CHMP5: variants seen among roughly 807,000 people sequenced by gnomAD.
CHMP5 encodes SNF7 domain containing 2.
Under a neutral mutation model 33.0 loss-of-function variants are expected in CHMP5, and 17 were observed. That is an observed-to-expected ratio of 0.52 (90% CI 0.35 to 0.77). CHMP5 has a LOEUF of 0.77. CHMP5 is among the 30% of genes least tolerant of loss of function. The probability of loss-of-function intolerance (pLI) is 0.01; values close to 1 mark genes in which losing one functional copy is unlikely to be tolerated. For missense variants in CHMP5, 216 were observed against 261.5 expected, an observed-to-expected ratio of 0.83 and a Z score of 1.20; for synonymous variants, 76 against 90.2, an observed-to-expected ratio of 0.84 and a Z score of 0.89.
chr9:33,270,713 C>G lies in CHMP5; in HGVS notation c.312C>G (p.Thr104=). The G allele has an allele frequency of 6.2e-7, 1 of 1,602,536 alleles. No individual in the cohort carries two copies. The highest frequency in any genetic ancestry group is 8.5e-7 in the Non-Finnish European group (1 of 1,170,192). Residue 104 remains threonine, a synonymous_variant, in exon 4 of 8, where the codon ACC becomes ACG. Transcript: ENST00000223500. The stretch of plus-strand genomic sequence containing the variant: ...TCCAGTCTTTGAAGGACACCAAGAC[C>G]ACGGTACTCCCAAAACACCTTTTCC... ...YTIQSLKDTK[T]TVDAMKLGVK...
rs753745206 is a variant in CHMP5 at position 33,270,645 on chromosome 9, C to G, written c.244C>G (p.Leu82Val). Residue 82 changes from leucine to valine, a missense_variant, in exon 4 of 8, where the codon CTT becomes GTT. Leu to Val is a conservative substitution (Grantham distance 32). Transcript: ENST00000223500. ...AAGGTATGAGCAGCAGCGGGACAAT[C>G]TTGCCCAACAGTCATTCAACATGGA... ...KRMYEQQRDNLAQQSFNMEQA... is the reference protein window; with the variant it reads ...KRMYEQQRDNVAQQSFNMEQA... 5.0e-6 allele frequency: 8 copies of G among 1,614,126 alleles called. No individual in the cohort carries two copies. Among genetic ancestry groups the G allele is most frequent in the South Asian group, 3.3e-5 (3 of 91,082 alleles).
At chr9:33,265,428 A>G (rs1820701473) in intron 1 of CHMP5, among the ~76,000 whole-genome samples, 2 of 150,788 alleles carry the variant, frequency 1.3e-5, no homozygotes, top group African/African-American at 4.9e-5. Flanking sequence ...TGATCCTCTC[A>G]CCTCACCCAG....
rs776828075 is a variant in CHMP5 at position 33,271,134 on chromosome 9, T to C, written c.316-18T>C. 1 of 1,587,696 alleles carries C rather than the reference T, an allele frequency of 6.3e-7. No individual in the cohort carries two copies. The highest frequency in any genetic ancestry group is 8.6e-7 in the Non-Finnish European group (1 of 1,156,252). On this transcript the variant is annotated intron_variant, in intron 4 of 7. Transcript: ENST00000223500. Reference sequence around the variant, plus strand: ...CATGACTTACTAAAACATTGTGTTTTCTTCTTCCTTTTCTTAGGTTGATGC... The same window carrying C: ...CATGACTTACTAAAACATTGTGTTTCCTTCTTCCTTTTCTTAGGTTGATGC...
intron 3 of CHMP5, among the ~76,000 whole-genome samples, chr9:33,269,041 C>T (rs1157247896): frequency 1.3e-5 from 2 of 152,120 alleles, no homozygotes; most frequent in African/African-American, 4.8e-5. Context: ...CATGAACGGA[C>T]CATTCTTTTT....
intron 2 of CHMP5, among the ~76,000 whole-genome samples, chr9:33,267,579 T>G (rs1820742183): frequency 6.6e-6 from 1 of 152,158 alleles, no homozygotes. Flanking sequence ...TCAGCACTTT[T>G]GGGGCTAGAG....
chr9:33,265,267 G>A, intron 1 of CHMP5, 120 bp downstream of exon 1: 2 of 910,872 alleles, frequency 2.2e-6, no homozygotes, highest in Non-Finnish European at 1.8e-6. Flanking sequence ...CTTACACGTC[G>A]TCCCTCTCTA....
Position 33,267,896 on chromosome 9 carries a change from G to A in CHMP5, c.218G>A (p.Arg73Lys). 3 of 1,606,638 alleles carry A rather than the reference G, an allele frequency of 1.9e-6. No homozygotes were observed. The highest frequency in any genetic ancestry group is 2.6e-6 in the Non-Finnish European group (3 of 1,173,404). ...QKALRVLKQK[R>K]MYEQQRDNLA... ...GCCTTGCGAGTTTTAAAGCAAAAGA[G>A]GATGTAAGTTACACACACAATTTCT... Residue 73 changes from arginine (R) to lysine (K), a missense_variant, in exon 3 of 8, where the codon AGG becomes AAG. By Grantham distance (26) the Arg-to-Lys change is conservative. Coordinates refer to ENST00000223500, the MANE Select transcript of CHMP5 (RefSeq NM_016410.6).
In CHMP5 at chr9:33,265,107, C is replaced by G. The variant is rs1176306255; in HGVS notation, c.29C>G (p.Pro10Arg). Reference sequence around the variant, plus strand: ...AACCGACTCTTCGGGAAAGCGAAACCCAAGGCTCCGCCGCCCAGCCTGACT... The same window carrying G: ...AACCGACTCTTCGGGAAAGCGAAACGCAAGGCTCCGCCGCCCAGCCTGACT... MNRLFGKAKPKAPPPSLTDC... is the reference protein window; with the variant it reads MNRLFGKAKRKAPPPSLTDC... The change falls in exon 1 of 8, where the codon CCC (proline) becomes CGC (arginine). Residue 10 changes from proline to arginine, a missense_variant. Physicochemically the swap from Pro to Arg is moderately radical, Grantham distance 103. Transcript: ENST00000223500. The G allele has an allele frequency of 1.2e-6, 2 of 1,614,068 alleles. No homozygotes were observed. Among genetic ancestry groups the G allele is most frequent in the Non-Finnish European group, 1.7e-6 (2 of 1,180,028 alleles).
At chr9:33,272,142 C>T (rs1224533350) in intron 5 of CHMP5, among the ~76,000 whole-genome samples, 2 of 152,114 alleles carry the variant, frequency 1.3e-5, no homozygotes, top group Admixed American at 6.5e-5. Flanking sequence ...GTCAGATGAA[C>T]AGCCCAGGTG....
At chr9:33,279,048 C>T (rs1820888619) in intron 7 of CHMP5, among the ~76,000 whole-genome samples, 2 of 152,092 alleles carry the variant, frequency 1.3e-5, no homozygotes, top group South Asian at 4.1e-4. Context: ...CTCAGCCACC[C>T]CAGGTAGCTG....
intron 3 of CHMP5, 59 bp from the exon 4 acceptor site, chr9:33,270,564 T>G: frequency 1.5e-6 from 2 of 1,324,320 alleles, no homozygotes; most frequent in Non-Finnish European, 2.2e-6. Context: ...GGGGATACTT[T>G]GTTCTTGAGG....
chr9:33,274,388 C>T (rs1820829155), intron 5 of CHMP5, among the ~76,000 whole-genome samples: 1 of 152,092 alleles, frequency 6.6e-6, no homozygotes, highest in Admixed American at 6.5e-5. Flanking sequence ...TTTCAAATGT[C>T]TTGCATTGCT....
At chr9:33,265,904 C>T (rs1173103844) in intron 1 of CHMP5, 106 bp from the exon 2 acceptor site, 2 of 638,254 alleles carry the variant, frequency 3.1e-6, no homozygotes, top group Non-Finnish European at 5.5e-6. Flanking sequence ...TTCACCCTTC[C>T]CCTTAAGCTC....
At chr9:33,271,254 T>C in intron 5 of CHMP5, 31 bp downstream of exon 5, 1 of 1,557,288 alleles carries the variant, frequency 6.4e-7, no homozygotes. Context: ...TGCAAGAATG[T>C]GCACTAGTTT....
intron 6 of CHMP5, 49 bp from the exon 7 acceptor site, chr9:33,278,064 C>A: frequency 8.3e-7 from 1 of 1,206,826 alleles, no homozygotes; most frequent in Non-Finnish European, 1.2e-6. Flanking sequence ...TATTAGCTGC[C>A]AGTTTTCTTG....
rs560968807 is a variant in CHMP5 at position 33,265,473 on chromosome 9, C to T, written c.69+326C>T. Among the ~76,000 whole-genome samples the T allele has an allele frequency of 1.2e-4, 18 of 152,308 alleles. No individual in the cohort carries two copies. In the East Asian group the frequency reaches 3.1e-3, roughly 26 times the overall value. ...CATACACCCTTCCCACCTCATCCTG[C>T]CTGATCCCTTACCCTTCTTCCATCT... is the stretch of plus-strand genomic sequence containing the variant. On this transcript the variant is annotated intron_variant, in intron 1 of 7. Coordinates refer to ENST00000223500, the MANE Select transcript of CHMP5 (RefSeq NM_016410.6).
chr9:33,266,492 C>T (rs2118008945), intron 2 of CHMP5, among the ~76,000 whole-genome samples: 1 of 152,178 alleles, frequency 6.6e-6, no homozygotes, highest in Admixed American at 6.5e-5. Flanking sequence ...TGAAATAGGA[C>T]CTAGTGCAGG....
intron 7 of CHMP5, 35 bp downstream of exon 7, chr9:33,278,260 A>G (rs565014418): frequency 7.9e-7 from 1 of 1,259,466 alleles, no homozygotes; most frequent in South Asian, 1.3e-5. Flanking sequence ...TCAATGCAAA[A>G]TAGCAAAGGC....
rs149875537 is a variant in CHMP5 at position 33,277,075 on chromosome 9, G to A, written c.496+511G>A. 7.0e-3 allele frequency among the ~76,000 whole-genome samples: 1,067 copies of A among 151,460 alleles called. 11 individuals are homozygous for A. Among genetic ancestry groups the A allele is most frequent in the African/African-American group, 0.025 (1,014 of 41,260 alleles). ...CCCAGGCATGGTGGTGTGCGCCTGC[G>A]GTCCTAGCTACTCGGGAGGCTGAGG... On this transcript the variant is annotated intron_variant, in intron 6 of 7. Coordinates refer to ENST00000223500, the MANE Select transcript of CHMP5 (RefSeq NM_016410.6).
Sources: gnomAD v4.1 joint callset for allele counts (sites outside exome capture counted in the v4.1 genomes callset) on GRCh38, gnomAD v4.1.1 for gene constraint, MANE v1.5 for transcripts, NCBI Gene and HGNC (gene_info 2026-07-23, HGNC 2026-07-21) for gene names.